The following CLDN16 variants were observed in gnomAD, a reference collection of about 807,000 sequenced individuals.
CLDN16 encodes claudin-16.
CLDN16 carries 13 observed loss-of-function variants against 24.6 expected under a neutral mutation model. That is an observed-to-expected ratio of 0.53 (90% CI 0.34 to 0.84). The LOEUF (loss-of-function observed/expected upper bound fraction) is 0.84. Ranked by LOEUF, CLDN16 falls within the 40% of genes least tolerant of loss-of-function variation. The pLI, the probability that CLDN16 is intolerant of heterozygous loss-of-function variation, is 0.01. For missense variants in CLDN16, 298 were observed against 292.7 expected (o/e 1.02, Z -0.13); for synonymous variants, 116 against 106.7 (o/e 1.09, Z -0.54).
chr3:190,358,678 C>T (rs1408837976), intron 1 of CLDN16, among the ~76,000 whole-genome samples: 1 of 151,830 alleles, frequency 6.6e-6, no homozygotes, highest in Non-Finnish European at 1.5e-5. Context: ...AAAAAAACAA[C>T]AAGTTTATTG....
chr3:190,322,562 G>A (rs1716960081), exon 1 of CLDN16: 2 of 310,788 alleles, frequency 6.4e-6, no homozygotes, highest in Non-Finnish European at 6.0e-6. Context: ...GGGAGCGCCC[G>A]GTTGGGGAAC....
At position 190,399,313 on chromosome 3, in the gene CLDN16, G is replaced by C. The variant is rs372646201; in HGVS notation, c.115-3024G>C. Among the ~76,000 whole-genome samples, 638 of 151,722 alleles carry C rather than the reference G, an allele frequency of 4.2e-3. 5 individuals are homozygous for C. Among genetic ancestry groups the C allele is most frequent in the African/African-American group, 0.015 (606 of 41,300 alleles). On this transcript the variant is annotated intron_variant, in intron 1 of 4. Transcript: ENST00000264734. Reference sequence around the variant, plus strand: ...GAGGTCAGGAGTTCGAGATCAGCCTGACCAACATGGGGAAACCCCGTCTCT... The same window carrying C: ...GAGGTCAGGAGTTCGAGATCAGCCTCACCAACATGGGGAAACCCCGTCTCT...
chr3:190,333,571 TATCTATCTATCAATC>T (rs1261979510), intron 1 of CLDN16, among the ~76,000 whole-genome samples: 1 of 134,514 alleles, frequency 7.4e-6, no homozygotes, highest in African/African-American at 2.8e-5. Context: ...TCTATCTATC[TATCTATCTATCAATC>T]ATCTTTCTAT....
At chr3:190,309,552 T>C in the CLDN16 span, among the ~76,000 whole-genome samples, 43 of 152,340 alleles carry the variant, frequency 2.8e-4, no homozygotes, top group East Asian at 5.6e-3. Context: ...GAGCCTCGTC[T>C]CTGATTAAAG....
At chr3:190,347,605 C>A (rs541353614) in intron 1 of CLDN16, among the ~76,000 whole-genome samples, 1 of 152,082 alleles carries the variant, frequency 6.6e-6, no homozygotes. Context: ...CAAGTTCCTG[C>A]CCTCATGGAA....
chr3:190,299,256 T>G, the CLDN16 span, among the ~76,000 whole-genome samples: 1 of 152,150 alleles, frequency 6.6e-6, no homozygotes, highest in Admixed American at 6.5e-5. Flanking sequence ...GCAAAATGCC[T>G]TTGCATGAAT....
At chr3:190,323,090 C>A (rs1322230010) in intron 1 of CLDN16, among the ~76,000 whole-genome samples, 1 of 151,982 alleles carries the variant, frequency 6.6e-6, no homozygotes, top group East Asian at 1.9e-4. Context: ...CTTTCCACTA[C>A]ATATCAAGTT....
At chr3:190,356,207 T>A (rs1239027676) in intron 1 of CLDN16, among the ~76,000 whole-genome samples, 1 of 151,830 alleles carries the variant, frequency 6.6e-6, no homozygotes, top group African/African-American at 2.4e-5. Flanking sequence ...TAATGACATC[T>A]TTAGATTATT....
intron 3 of CLDN16, 40 bp downstream of exon 3, chr3:190,404,966 T>G: frequency 6.3e-7 from 1 of 1,597,232 alleles, no homozygotes; most frequent in South Asian, 1.1e-5. Flanking sequence ...GTAGGGAGAC[T>G]CTGCTAAGGG....
chr3:190,388,507 G>T, intron 1 of CLDN16, 64 bp downstream of exon 1: 1 of 1,333,040 alleles, frequency 7.5e-7, no homozygotes, highest in Non-Finnish European at 1.1e-6. Flanking sequence ...AGTCCCAACT[G>T]CCATGTACAA....
intron 1 of CLDN16, among the ~76,000 whole-genome samples, chr3:190,400,796 A>G (rs1217202768): frequency 6.6e-6 from 1 of 152,080 alleles, no homozygotes; most frequent in African/African-American, 2.4e-5. Context: ...GTGCGCACAT[A>G]CTGATTTCCT....
chr3:190,390,820 C>T (rs1390961241), intron 1 of CLDN16, among the ~76,000 whole-genome samples: 2 of 152,118 alleles, frequency 1.3e-5, no homozygotes, highest in African/African-American at 4.8e-5. Context: ...TGGTCTCACG[C>T]TGTCACCCAG....
intron 1 of CLDN16, among the ~76,000 whole-genome samples, chr3:190,364,676 C>T (rs1377033362): frequency 1.3e-5 from 2 of 151,908 alleles, no homozygotes; most frequent in African/African-American, 4.8e-5. Flanking sequence ...AGTGGTAAGG[C>T]TGCCTGCACT....
the CLDN16 span, among the ~76,000 whole-genome samples, chr3:190,317,111 ATGT>A: frequency 4.6e-5 from 7 of 152,224 alleles, no homozygotes; most frequent in East Asian, 1.2e-3. Context: ...GATGAGATAG[ATGT>A]TGTATAGCCT....
At chr3:190,394,359 C>T (rs1577424886) in intron 1 of CLDN16, among the ~76,000 whole-genome samples, 1 of 152,114 alleles carries the variant, frequency 6.6e-6, no homozygotes, top group Non-Finnish European at 1.5e-5. Flanking sequence ...GTACTGAGCA[C>T]TAGTATGATT....
intron 3 of CLDN16, among the ~76,000 whole-genome samples, chr3:190,376,249 T>A (rs1285787156): frequency 2.0e-5 from 3 of 151,734 alleles, no homozygotes; most frequent in Non-Finnish European, 4.4e-5. Context: ...TTCTGAGGAG[T>A]ATTAAATGGT....
the CLDN16 span, chr3:190,307,642 A>C: frequency 6.6e-6 from 1 of 152,240 alleles, no homozygotes; most frequent in African/African-American, 2.4e-5. Flanking sequence ...ACACAAAACA[A>C]ATAAGGGCTT....
At chr3:190,355,410 A>G (rs181931833) in intron 1 of CLDN16, among the ~76,000 whole-genome samples, 1 of 151,832 alleles carries the variant, frequency 6.6e-6, no homozygotes, top group East Asian at 1.9e-4. Flanking sequence ...TTCTCTTCAA[A>G]CTTTTGATTT....
Position 190,358,072 on chromosome 3 carries a change from TTGG to T in CLDN16, n.122-12817_122-12815del, listed in dbSNP as rs201369532. ...TAAAAATGAGACTGACTGGCACGTATTGGTGGATAAGCAGTATTACGAAAAAAA... is the reference window on the plus strand; with the variant it reads ...TAAAAATGAGACTGACTGGCACGTATTGGATAAGCAGTATTACGAAAAAAA... On this transcript the variant is annotated intron_variant and non_coding_transcript_variant, in intron 1 of 4. Coordinates refer to the CLDN16 transcript ENST00000468220. Among the ~76,000 whole-genome samples the T allele has an allele frequency of 1.1e-3, 163 of 152,050 alleles. 5 individuals are homozygous for T. The East Asian group carries it at 0.03, about 28-fold the overall frequency.
Sources: allele counts gnomAD v4.1 joint callset (sites outside exome capture counted in the v4.1 genomes callset), GRCh38; gene constraint gnomAD v4.1.1; transcripts MANE v1.5; gene names NCBI Gene and HGNC (gene_info 2026-07-23, HGNC 2026-07-21).